The following HADHA variants were observed in gnomAD, a reference collection of about 807,000 sequenced individuals.
The protein encoded by HADHA is trifunctional enzyme subunit alpha, mitochondrial.
HADHA carries 59 observed loss-of-function variants against 91.3 expected under a neutral mutation model. The observed-to-expected ratio is 0.65, with a 90% CI of 0.52 to 0.80. The LOEUF is 0.80. Among genes scored for constraint, HADHA ranks in the 30% least tolerant of loss-of-function variants. The probability of loss-of-function intolerance (pLI) is 0.00; values close to 1 mark genes in which losing one functional copy is unlikely to be tolerated. For missense variants in HADHA, 800 were observed against 927.6 expected, an observed-to-expected ratio of 0.86 and a Z score of 1.79; for synonymous variants, 320 against 338.9, an observed-to-expected ratio of 0.94 and a Z score of 0.61.
chr2:26,228,991 G>T (rs986726559), intron 7 of HADHA, among the ~76,000 whole-genome samples: 2 of 152,030 alleles, frequency 1.3e-5, no homozygotes, highest in African/African-American at 4.8e-5. Context: ...TTTTTGGATT[G>T]TGGCAGTGTT....
intron 7 of HADHA, among the ~76,000 whole-genome samples, chr2:26,228,354 T>C (rs1670533326): frequency 6.6e-6 from 1 of 151,898 alleles, no homozygotes; most frequent in African/African-American, 2.4e-5. Flanking sequence ...TGGTGTTGAA[T>C]TCCTGACCTC....
intron 7 of HADHA, among the ~76,000 whole-genome samples, chr2:26,224,472 T>C (rs1308010189): frequency 1.3e-5 from 2 of 152,248 alleles, no homozygotes; most frequent in Non-Finnish European, 2.9e-5. Flanking sequence ...TGAATATATA[T>C]AATTAACCAA....
At position 26,206,817 on chromosome 2, in the gene HADHA, A is replaced by G. The variant is rs374011102; in HGVS notation, c.1086-2621T>C. The stretch of plus-strand genomic sequence containing the variant: ...AAAAGGAAGGAGTTACCTGATATGT[A>G]CTAATCTACATCTCCAAGTCATATC... On this transcript the variant is annotated intron_variant, in intron 11 of 19. Transcript: ENST00000380649. 5.9e-5 allele frequency among the ~76,000 whole-genome samples: 9 copies of G among 152,232 alleles called. No individual in the cohort carries two copies. In the East Asian group the frequency reaches 1.5e-3, roughly 26 times the overall value.
At chr2:26,194,805 G>A (rs772574903) in intron 15 of HADHA, among the ~76,000 whole-genome samples, 167 bp from the exon 16 acceptor site, 1 of 152,042 alleles carries the variant, frequency 6.6e-6, no homozygotes, top group South Asian at 2.1e-4. Flanking sequence ...AGGGGAAGCC[G>A]TACTAGGGGT....
chr2:26,191,019 T>C lies in HADHA; in HGVS notation c.*231A>G. ...CTGCCACTCTAGGCCTCGGGGCTTA[T>C]ACAATGAGCAGTGGGCTCTACCTTC... On this transcript the variant is annotated 3_prime_UTR_variant, in exon 20 of 20. Coordinates refer to ENST00000380649, the MANE Select transcript of HADHA (RefSeq NM_000182.5). 4 of 606,420 alleles carry C rather than the reference T, an allele frequency of 6.6e-6. No individual in the cohort carries two copies. The highest frequency in any genetic ancestry group is 5.7e-5 in the East Asian group (2 of 35,212). 37.6% of individuals were successfully genotyped at this position (606,420 alleles called of 1,614,324 possible).
chr2:26,196,187 GAGTC>G (rs1341949778), intron 14 of HADHA, among the ~76,000 whole-genome samples: 1 of 151,360 alleles, frequency 6.6e-6, no homozygotes, highest in East Asian at 1.9e-4. Flanking sequence ...TAGTAGTACA[GAGTC>G]AGTCAGCATA....
chr2:26,209,925 TCA>T, intron 10 of HADHA, 36 bp from the exon 11 acceptor site: 1 of 1,071,594 alleles, frequency 9.3e-7, no homozygotes, highest in South Asian at 1.2e-5. Context: ...AGGTAGAACT[TCA>T]CAGTCTAGGT....
rs1394048693 is a variant in HADHA at position 26,209,893 on chromosome 2, A to C, written c.976-4T>G. On this transcript the variant is annotated splice_region_variant and splice_polypyrimidine_tract_variant and intron_variant, in intron 10 of 19. Transcript: ENST00000380649. ...TCATTACAAGCTCTCCAAATTTCTG[A>C]AAAGTAAAGGGGAATGAGAAAAGGT... is the stretch of plus-strand genomic sequence containing the variant. The C allele has an allele frequency of 7.0e-7, 1 of 1,434,142 alleles. No individual in the cohort carries two copies. The highest frequency in any genetic ancestry group is 1.4e-5 in the African/African-American group (1 of 71,562). 88.8% of individuals were successfully genotyped at this position (1,434,142 alleles called of 1,614,324 possible).
At chr2:26,203,542 C>T (rs1389083085) in intron 12 of HADHA, among the ~76,000 whole-genome samples, 1 of 152,184 alleles carries the variant, frequency 6.6e-6, no homozygotes, top group East Asian at 1.9e-4. Context: ...GGGATCAGTT[C>T]ATGGCTTCTC....
At chr2:26,215,264 C>CCTA in intron 7 of HADHA, 89 bp from the exon 8 acceptor site, 2 of 1,165,560 alleles carry the variant, frequency 1.7e-6, no homozygotes, top group Admixed American at 1.7e-5. Context: ...AGCCAAAGGC[C>CCTA]CTAGCACAGC....
Position 26,196,185 on chromosome 2 carries a change from CAG to C in HADHA, c.1480-955_1480-954del, listed in dbSNP as rs370908390. ...AAAAGGTATCAAGAGGTTAGTAGTACAGAGTCAGTCAGCATATGACGGGGTGG... is the reference window on the plus strand; with the variant it reads ...AAAAGGTATCAAGAGGTTAGTAGTACAGTCAGTCAGCATATGACGGGGTGG... On this transcript the variant is annotated intron_variant, in intron 14 of 19. Coordinates refer to ENST00000380649, the MANE Select transcript of HADHA (RefSeq NM_000182.5). Among the ~76,000 whole-genome samples the C allele has an allele frequency of 2.8e-3, 422 of 152,252 alleles. 3 individuals are homozygous for C. Among genetic ancestry groups the C allele is most frequent in the African/African-American group, 9.8e-3 (407 of 41,512 alleles).
rs748396892 is a variant in HADHA, at chr2:26,214,470, A to T, written c.891T>A (p.Leu297=). The T allele has an allele frequency of 5.7e-6, 9 of 1,572,322 alleles. No homozygotes were observed. The highest frequency in any genetic ancestry group is 7.9e-6 in the Non-Finnish European group (9 of 1,143,636). The part of the protein sequence containing the change: ...EEKVRKQTKG[L]YPAPLKIIDV... Reference sequence around the variant, plus strand: ...CAATTATTTTCAGAGGTGCAGGATAAAGGCCTTTAGTCTGCTTTCGCACTT... The same window carrying T: ...CAATTATTTTCAGAGGTGCAGGATATAGGCCTTTAGTCTGCTTTCGCACTT... Residue 297 remains leucine (L), a synonymous_variant, in exon 9 of 20, where the codon CTT becomes CTA. Coordinates refer to ENST00000380649, the MANE Select transcript of HADHA (RefSeq NM_000182.5). This position sits in a 1 kb window ranked among gnomAD's most constrained non-coding sequence, Gnocchi z 4.1.
At position 26,236,929 on chromosome 2, in the gene HADHA, C is replaced by G. The variant is rs1057516326; in HGVS notation, c.240G>C (p.Trp80Cys). ...CGGCACTTCTGATTTGATCACTAGC[C>G]CAGATTTCATTCATAACTTCTGAGA... ...SEFSEVMNEI[W>C]ASDQIRSAVL... The change falls in exon 4 of 20, where the codon TGG (tryptophan) becomes TGC (cysteine). Residue 80 changes from tryptophan (W) to cysteine (C), a missense_variant. By Grantham distance (215) the Trp-to-Cys change is radical (BLOSUM62 -2). Coordinates refer to ENST00000380649, the MANE Select transcript of HADHA (RefSeq NM_000182.5). 1 of 1,607,782 alleles carries G rather than the reference C, an allele frequency of 6.2e-7. No homozygotes were observed. The highest frequency in any genetic ancestry group is 1.3e-5 in the African/African-American group (1 of 74,772).
At chr2:26,205,013 C>CT (rs1449513278) in intron 11 of HADHA, among the ~76,000 whole-genome samples, 2 of 152,136 alleles carry the variant, frequency 1.3e-5, no homozygotes, top group African/African-American at 4.8e-5. Flanking sequence ...ACATTGCTAC[C>CT]TTTTTTTGCC....
rs753934995 is a variant in HADHA, at chr2:26,194,658, G to A, written c.1621-20C>T. 6 of 1,531,002 alleles carry A rather than the reference G, an allele frequency of 3.9e-6. No homozygotes were observed. Among genetic ancestry groups the A allele is most frequent in the South Asian group, 1.1e-5 (1 of 89,338 alleles). 94.8% of individuals were successfully genotyped at this position (1,531,002 alleles called of 1,614,324 possible). On this transcript the variant is annotated intron_variant, in intron 15 of 19. Coordinates refer to ENST00000380649, the MANE Select transcript of HADHA (RefSeq NM_000182.5). ...TCCATCCTGCCAAGGAAGAGAACAT[G>A]AGCTCCCTGGCCCTGCTGCTGGGAC...
intron 5 of HADHA, among the ~76,000 whole-genome samples, chr2:26,232,782 A>C (rs571323111): frequency 1.3e-5 from 2 of 152,332 alleles, no homozygotes; most frequent in African/African-American, 4.8e-5. Flanking sequence ...ATGTTCTGAG[A>C]AATGTACCAT....
intron 14 of HADHA, among the ~76,000 whole-genome samples, chr2:26,195,582 G>T (rs2147754123): frequency 7.6e-6 from 1 of 132,154 alleles, no homozygotes; most frequent in Admixed American, 8.3e-5. Flanking sequence ...TAGATAAGAG[G>T]ATCCAGTTTT....
At chr2:26,192,799 T>C (rs1669548572) in intron 17 of HADHA, among the ~76,000 whole-genome samples, 1 of 152,152 alleles carries the variant, frequency 6.6e-6, no homozygotes, top group Non-Finnish European at 1.5e-5. Context: ...GTTGGTCTAT[T>C]ATAAAGCTCT....
At chr2:26,235,389 C>T (rs1670723515) in intron 4 of HADHA, 1 of 152,168 alleles carries the variant, frequency 6.6e-6, no homozygotes, top group Non-Finnish European at 1.5e-5. Context: ...GTTTCATTTG[C>T]TATTTTGTGA....
Sources: allele counts gnomAD v4.1 joint callset (sites outside exome capture counted in the v4.1 genomes callset), GRCh38; gene constraint gnomAD v4.1.1; non-coding constraint Gnocchi (gnomAD v3.1); transcripts MANE v1.5; gene names NCBI Gene and HGNC (gene_info 2026-07-23, HGNC 2026-07-21).